The following DNAH12 variants were observed in gnomAD, a reference collection of about 807,000 sequenced individuals.
DNAH12 encodes the protein dynein axonemal heavy chain 12, also known as axonemal beta dynein heavy chain 12.
Under a neutral mutation model 371.5 loss-of-function variants are expected in DNAH12, and 285 were observed. That is an observed-to-expected ratio of 0.77 (90% CI 0.70 to 0.85). The LOEUF is 0.85. Among genes scored for constraint, DNAH12 ranks in the 40% least tolerant of loss-of-function variants. The pLI is 0.00. For missense variants in DNAH12, 3,611 were observed against 3,689.4 expected (o/e 0.98, Z 0.55); for synonymous variants, 1,200 against 1,213.0 (o/e 0.99, Z 0.22).
intron 71 of DNAH12, 24 bp from the exon 72 acceptor site, chr3:57,296,459 C>G: frequency 6.7e-7 from 1 of 1,503,240 alleles, no homozygotes; most frequent in Non-Finnish European, 9.0e-7. Flanking sequence ...CACACACTAG[C>G]AGTGATCCTC....
rs957615383 is a variant in DNAH12, at chr3:57,452,830, T to C, written c.3786+13A>G. On this transcript the variant is annotated intron_variant, in intron 25 of 73. Transcript: ENST00000495027. The stretch of plus-strand genomic sequence containing the variant: ...ATTATTAATGTGTGAATTAAGATAA[T>C]TTAAATGCATACCAATGTTCTGTAA... 9 of 1,529,276 alleles carry C rather than the reference T, an allele frequency of 5.9e-6. No homozygotes were observed. The Admixed American group carries it at 1.6e-4, about 27-fold the overall frequency. 94.7% of individuals were successfully genotyped at this position (1,529,276 alleles called of 1,614,324 possible).
intron 2 of DNAH12, among the ~76,000 whole-genome samples, chr3:57,533,312 G>A (rs539196861): frequency 5.3e-5 from 8 of 152,114 alleles, no homozygotes; most frequent in Non-Finnish European, 1.0e-4. Flanking sequence ...CCAAGAGCCC[G>A]CTTGGTGCTC....
Position 57,419,375 on chromosome 3 carries a change from G to T in DNAH12, c.5706C>A (p.Thr1902=). 1 of 1,497,402 alleles carries T rather than the reference G, an allele frequency of 6.7e-7. No homozygotes were observed. Among genetic ancestry groups the T allele is most frequent in the South Asian group, 1.4e-5 (1 of 72,116 alleles). 92.8% of individuals were successfully genotyped at this position (1,497,402 alleles called of 1,614,324 possible). A position where few individuals can be genotyped will look rare whatever the true frequency, so the allele number is the denominator to read the frequency against. The change falls in exon 37 of 74, where the codon ACC becomes ACA. Residue 1902 remains threonine (T), a synonymous_variant. Coordinates refer to ENST00000495027, the MANE Select transcript of DNAH12 (RefSeq NM_001366028.2). The part of the protein sequence containing the change: ...RYTFLMDLSI[T]YAKPLLFVGP... ...ATAGCAGAGTTCCTTACTTTGCATA[G>T]GTAATACTCAAATCCATTAGAAACG...
chr3:57,296,515 G>T, intron 71 of DNAH12, 80 bp from the exon 72 acceptor site: 1 of 1,105,086 alleles, frequency 9.0e-7, no homozygotes, highest in Non-Finnish European at 1.3e-6. Context: ...GAAATATTCA[G>T]AACACATTCA....
intron 14 of DNAH12, 78 bp from the exon 15 acceptor site, chr3:57,471,684 T>C (rs1575648373): frequency 2.4e-6 from 3 of 1,250,422 alleles, no homozygotes; most frequent in Non-Finnish European, 3.1e-6. Flanking sequence ...ATACTGTGTA[T>C]AATAATAAAA....
intron 59 of DNAH12, among the ~76,000 whole-genome samples, chr3:57,353,344 G>A (rs925364675): frequency 6.6e-6 from 1 of 151,580 alleles, no homozygotes; most frequent in Admixed American, 6.6e-5. Context: ...CCAGGCTGGA[G>A]TGCAGTGGCA....
intron 2 of DNAH12, among the ~76,000 whole-genome samples, chr3:57,540,691 A>G (rs2069241414): frequency 6.6e-6 from 1 of 152,148 alleles, no homozygotes; most frequent in South Asian, 2.1e-4. Flanking sequence ...GCACTTTGGG[A>G]GGCCAAGGCA....
chr3:57,476,270 T>C (rs770168205), intron 13 of DNAH12, among the ~76,000 whole-genome samples: 4 of 152,106 alleles, frequency 2.6e-5, no homozygotes, highest in Non-Finnish European at 5.9e-5. Flanking sequence ...GTAATCACTA[T>C]AAAAATCAGA....
At chr3:57,507,868 A>G (rs1051316880) in intron 7 of DNAH12, 30 bp from the exon 8 acceptor site, 1 of 1,538,114 alleles carries the variant, frequency 6.5e-7, no homozygotes, top group African/African-American at 1.4e-5. Flanking sequence ...ATGTGATTTG[A>G]AGCAAATGAT....
Position 57,502,334 on chromosome 3 carries a change from T to C in DNAH12, c.1232A>G (p.Tyr411Cys). Residue 411 changes from tyrosine (Y) to cysteine (C), a missense_variant, in exon 10 of 74, where the codon TAT (tyrosine) becomes TGT (cysteine). By Grantham distance (194) the Tyr-to-Cys change is radical (BLOSUM62 -2). Transcript: ENST00000495027. Reference protein sequence around the residue: ...HRNLEGARKHYETYVEKYNWL... With the variant: ...HRNLEGARKHCETYVEKYNWL... Reference sequence around the variant, plus strand: ...TATGTCATACACACCATATGTCTCATAATGCTTTCTTGCACCTTCTAAGTT... The same window carrying C: ...TATGTCATACACACCATATGTCTCACAATGCTTTCTTGCACCTTCTAAGTT... 6.2e-7 allele frequency: 1 copy of C among 1,614,104 alleles called. No homozygotes were observed. Among genetic ancestry groups the C allele is most frequent in the Non-Finnish European group, 8.5e-7 (1 of 1,179,980 alleles).
chr3:57,448,042 G>A (rs181143630), intron 25 of DNAH12, among the ~76,000 whole-genome samples: 75 of 152,076 alleles, frequency 4.9e-4, no homozygotes, highest in Non-Finnish European at 8.4e-4. Flanking sequence ...TGAAAACCTC[G>A]GGCTCTTCCT....
At chr3:57,500,512 C>G (rs1014843362) in intron 11 of DNAH12, among the ~76,000 whole-genome samples, 3 of 152,128 alleles carry the variant, frequency 2.0e-5, no homozygotes, top group Non-Finnish European at 2.9e-5. Context: ...TGTCCCTGTT[C>G]CCTATTCTTT....
At chr3:57,348,503 G>A (rs909920123) in intron 60 of DNAH12, among the ~76,000 whole-genome samples, 10 of 152,186 alleles carry the variant, frequency 6.6e-5, no homozygotes, top group African/African-American at 2.4e-4. Context: ...TTACTTAGGA[G>A]TGATAATGAT....
upstream of DNAH12, among the ~76,000 whole-genome samples, chr3:57,548,172 A>T (rs751021775): frequency 6.6e-6 from 1 of 152,230 alleles, no homozygotes; most frequent in Non-Finnish European, 1.5e-5. Flanking sequence ...AAAAAGACAC[A>T]TCAGACTTTT....
chr3:57,477,010 T>C (rs1455021069), intron 13 of DNAH12, among the ~76,000 whole-genome samples: 2 of 152,020 alleles, frequency 1.3e-5, no homozygotes, highest in South Asian at 2.1e-4. Flanking sequence ...ACGCAGAAGA[T>C]GGGTGATTTC....
At chr3:57,354,745 GA>G (rs2062759134) in intron 59 of DNAH12, among the ~76,000 whole-genome samples, 2 of 152,072 alleles carry the variant, frequency 1.3e-5, no homozygotes, top group African/African-American at 4.8e-5. Context: ...TGATTAAACA[GA>G]TTTTAATCTG....
intron 11 of DNAH12, among the ~76,000 whole-genome samples, chr3:57,494,197 A>G (rs1211224999): frequency 6.6e-6 from 1 of 152,072 alleles, no homozygotes; most frequent in African/African-American, 2.4e-5. Flanking sequence ...CTACCATTGC[A>G]CTCCAGTCTG....
In DNAH12 at chr3:57,388,368, G is replaced by A. The variant is rs891720486; in HGVS notation, c.7306-1149C>T. 2.6e-5 allele frequency among the ~76,000 whole-genome samples: 4 copies of A among 152,220 alleles called. No individual in the cohort carries two copies. In the South Asian group the frequency reaches 8.3e-4, roughly 32 times the overall value. Reference sequence around the variant, plus strand: ...ATCATTAATCTTTATTTGTTCACTAGAGTATTTTCCAGATTTCCTTTCATT... The same window carrying A: ...ATCATTAATCTTTATTTGTTCACTAAAGTATTTTCCAGATTTCCTTTCATT... On this transcript the variant is annotated intron_variant, in intron 45 of 73. Transcript: ENST00000495027.
chr3:57,441,097 G>A (rs1464044957), intron 29 of DNAH12, among the ~76,000 whole-genome samples: 1 of 152,108 alleles, frequency 6.6e-6, no homozygotes, highest in Non-Finnish European at 1.5e-5. Context: ...TGACCCAGAT[G>A]TCATAATTAA....
Sources: gnomAD v4.1 joint callset for allele counts (sites outside exome capture counted in the v4.1 genomes callset) on GRCh38, gnomAD v4.1.1 for gene constraint, MANE v1.5 for transcripts, NCBI Gene and HGNC (gene_info 2026-07-23, HGNC 2026-07-21) for gene names.